DSCAML1: variants seen among roughly 807,000 people sequenced by gnomAD.
The protein encoded by DSCAML1 is cell adhesion molecule DSCAML1.
DSCAML1 carries 38 observed loss-of-function variants against 200.5 expected under a neutral mutation model. The observed-to-expected ratio is 0.19, with a 90% confidence interval of 0.15 to 0.25. DSCAML1 has a LOEUF of 0.25. Ranked by LOEUF, DSCAML1 falls within the 10% of genes least tolerant of loss-of-function variation. The pLI, the probability that DSCAML1 is intolerant of heterozygous loss-of-function variation, is 1.00. For synonymous variants in DSCAML1, 1,215 were observed against 1,165.0 expected, an observed-to-expected ratio of 1.04 and a Z score of -0.87; for missense variants, 2,223 against 2,858.8, an observed-to-expected ratio of 0.78 and a Z score of 5.07.
At chr11:117,757,573 TACACACACACACAC>T (rs5795104) in intron 3 of DSCAML1, among the ~76,000 whole-genome samples, 3,219 of 146,872 alleles carry the variant, frequency 0.022, 34 homozygotes, top group African/African-American at 0.027. Flanking sequence ...TAGGAGCCTA[TACACACACACACAC>T]ACACACACAC....
chr11:117,574,039 T>C (rs992895996), intron 3 of DSCAML1, among the ~76,000 whole-genome samples: 3 of 152,196 alleles, frequency 2.0e-5, no homozygotes, highest in African/African-American at 7.2e-5. Context: ...GAGGAAGTGC[T>C]GGATCCCTCA....
chr11:117,455,624 A>G (rs772846018), intron 19 of DSCAML1, among the ~76,000 whole-genome samples: 23 of 152,212 alleles, frequency 1.5e-4, no homozygotes, highest in Non-Finnish European at 2.5e-4. Flanking sequence ...TTGTTCTTTT[A>G]AATTTATTTT....
At chr11:117,524,623 G>T (rs1202481617) in intron 5 of DSCAML1, among the ~76,000 whole-genome samples, 182 bp downstream of exon 5, 2 of 152,350 alleles carry the variant, frequency 1.3e-5, no homozygotes, top group South Asian at 2.1e-4. Flanking sequence ...AGAAACAAAA[G>T]GCAGGCCTCC....
chr11:117,593,865 C>T (rs1384365379), intron 3 of DSCAML1, among the ~76,000 whole-genome samples: 1 of 152,052 alleles, frequency 6.6e-6, no homozygotes, highest in Admixed American at 6.5e-5. Flanking sequence ...GCGCCCGCCA[C>T]CACACCTGGC....
chr11:117,568,076 A>T (rs2137430581), intron 3 of DSCAML1, among the ~76,000 whole-genome samples: 1 of 152,354 alleles, frequency 6.6e-6, no homozygotes, highest in South Asian at 2.1e-4. Flanking sequence ...AATATACACA[A>T]ATCAATAAAT....
At position 117,589,569 on chromosome 11, in the gene DSCAML1, A is replaced by T. The variant is rs934864103; in HGVS notation, c.512-57047T>A. ...TCGTATGCACCAGGGATCTTAGGTA[A>T]ATATAATAATGTTGATAATGATAAT... On this transcript the variant is annotated intron_variant, in intron 3 of 32. Transcript: ENST00000651296. Among the ~76,000 whole-genome samples, 7 of 152,318 alleles carry T rather than the reference A, an allele frequency of 4.6e-5. No individual in the cohort carries two copies. The South Asian group carries it at 1.5e-3, about 32-fold the overall frequency.
chr11:117,810,861 A>C (rs1249206978), intron 1 of DSCAML1, among the ~76,000 whole-genome samples: 1 of 151,992 alleles, frequency 6.6e-6, no homozygotes, highest in Non-Finnish European at 1.5e-5. Flanking sequence ...AACTCGTCCC[A>C]AATCTTCCTT....
chr11:117,437,492 C>T lies in DSCAML1; in HGVS notation c.4433-83G>A. The T allele has an allele frequency of 6.7e-7, 1 of 1,497,132 alleles. No individual in the cohort carries two copies. The highest frequency in any genetic ancestry group is 2.0e-5 in the Admixed American group (1 of 50,828). The allele number at this position is 1,497,132 out of a possible 1,614,324, so 92.7% of individuals were successfully genotyped here. On this transcript the variant is annotated intron_variant, in intron 25 of 32. Transcript: ENST00000651296. This position sits in a 1 kb window ranked among gnomAD's most constrained non-coding sequence, Gnocchi z 5.3. ...ACTGGGCTGGGCTGGAAAGGATTTC[C>T]CTGGGGCAGCTGGGATGGCAGTGGC...
chr11:117,488,047 C>T (rs1000923849), intron 11 of DSCAML1, among the ~76,000 whole-genome samples: 2 of 152,186 alleles, frequency 1.3e-5, no homozygotes, highest in Non-Finnish European at 2.9e-5. Flanking sequence ...TTCTATGAAT[C>T]AGAGTACTCG....
intron 3 of DSCAML1, among the ~76,000 whole-genome samples, chr11:117,734,319 A>C (rs2054280821): frequency 6.6e-6 from 1 of 152,172 alleles, no homozygotes. Context: ...GGGGGAACCC[A>C]GTGATGGAAA....
intron 3 of DSCAML1, among the ~76,000 whole-genome samples, chr11:117,654,673 T>C (rs1188526251): frequency 1.3e-5 from 2 of 152,204 alleles, no homozygotes; most frequent in African/African-American, 4.8e-5. Context: ...ACTTGAGTTA[T>C]GGGCTCAGAG....
chr11:117,447,571 A>G (rs533197474), intron 20 of DSCAML1, among the ~76,000 whole-genome samples: 2 of 152,160 alleles, frequency 1.3e-5, no homozygotes, highest in Admixed American at 6.5e-5. Context: ...TTTCTATAAT[A>G]AAATTGCATT....
At chr11:117,464,538 T>C (rs956239052) in intron 17 of DSCAML1, among the ~76,000 whole-genome samples, 2 of 152,142 alleles carry the variant, frequency 1.3e-5, no homozygotes, top group African/African-American at 4.8e-5. Flanking sequence ...CTCAGGTAGA[T>C]GGTGGACAGG....
intron 21 of DSCAML1, among the ~76,000 whole-genome samples, chr11:117,442,178 GTA>G (rs768718708): frequency 6.7e-6 from 1 of 149,578 alleles, no homozygotes; most frequent in Non-Finnish European, 1.5e-5. Context: ...CATGTAGTGT[GTA>G]TAGTGTGTAT....
intron 3 of DSCAML1, among the ~76,000 whole-genome samples, chr11:117,733,136 G>A (rs1034692057): frequency 5.5e-5 from 2 of 36,564 alleles, no homozygotes; most frequent in Admixed American, 3.8e-4. Context: ...AGCATCAGGA[G>A]GACATGCGGG....
chr11:117,625,369 GAGA>G (rs34097723), intron 3 of DSCAML1, among the ~76,000 whole-genome samples: 50,640 of 151,956 alleles, frequency 0.33, 9,658 homozygotes, highest in Admixed American at 0.5. Flanking sequence ...ATGCCCTTGG[GAGA>G]AGAAGGAGAG....
At chr11:117,442,820 A>C (rs2048095905) in intron 21 of DSCAML1, among the ~76,000 whole-genome samples, 1 of 152,008 alleles carries the variant, frequency 6.6e-6, no homozygotes, top group Non-Finnish European at 1.5e-5. Context: ...GTGTGGAAAG[A>C]GCCCTGACTT....
intron 3 of DSCAML1, among the ~76,000 whole-genome samples, chr11:117,733,429 C>A (rs753775897): frequency 6.6e-6 from 1 of 152,202 alleles, no homozygotes; most frequent in Non-Finnish European, 1.5e-5. Flanking sequence ...TGAACAGCTG[C>A]TTTGTCCCTA....
chr11:117,431,744 C>A lies in DSCAML1; in HGVS notation c.5180-16G>T, dbSNP rs1219004777. On this transcript the variant is annotated splice_polypyrimidine_tract_variant and intron_variant, in intron 30 of 32. Coordinates refer to ENST00000651296, the MANE Select transcript of DSCAML1 (RefSeq NM_020693.4). ...GACACTGGATCTGCACAGACAGAAG[C>A]AAGAAATTGCATCCTCCAACCAAAG... 1.3e-6 allele frequency: 2 copies of A among 1,507,248 alleles called. No homozygotes were observed. The highest frequency in any genetic ancestry group is 2.7e-5 in the South Asian group (2 of 75,218). 93.4% of individuals were successfully genotyped at this position (1,507,248 alleles called of 1,614,324 possible).
Sources: gnomAD v4.1 joint callset for allele counts (sites outside exome capture counted in the v4.1 genomes callset) on GRCh38, gnomAD v4.1.1 for gene constraint, Gnocchi (gnomAD v3.1) non-coding constraint, MANE v1.5 for transcripts, NCBI Gene and HGNC (gene_info 2026-07-23, HGNC 2026-07-21) for gene names.